TRIQK: variants seen among roughly 807,000 people sequenced by gnomAD.
TRIQK encodes triple QxxK/R motif-containing protein.
TRIQK carries 10 observed loss-of-function variants against 10.8 expected under a neutral mutation model. The observed-to-expected ratio is 0.92, with a 90% CI of 0.57 to 1.57. The LOEUF (loss-of-function observed/expected upper bound fraction) is 1.57. Ranked by LOEUF, TRIQK falls within the 40% of genes most tolerant of loss-of-function variation. The probability of loss-of-function intolerance (pLI) is 0.00; values close to 1 mark genes in which losing one functional copy is unlikely to be tolerated. For missense variants in TRIQK, 107 were observed against 97.7 expected, an observed-to-expected ratio of 1.09 and a Z score of -0.40; for synonymous variants, 33 against 33.7, an observed-to-expected ratio of 0.98 and a Z score of 0.07.
At chr8:92,942,625 T>A (rs766954915) in intron 2 of TRIQK, among the ~76,000 whole-genome samples, 2 of 152,188 alleles carry the variant, frequency 1.3e-5, no homozygotes, top group Non-Finnish European at 2.9e-5. Flanking sequence ...GATGTCATTA[T>A]CTTACATGGA....
chr8:92,991,203 A>T (rs985001201), intron 1 of TRIQK, among the ~76,000 whole-genome samples: 5 of 152,172 alleles, frequency 3.3e-5, no homozygotes, highest in African/African-American at 1.2e-4. Context: ...GCCACTCTAG[A>T]TTCCTCCTCT....
At chr8:92,947,002 T>G (rs1332102936) in intron 2 of TRIQK, among the ~76,000 whole-genome samples, 1 of 151,604 alleles carries the variant, frequency 6.6e-6, no homozygotes, top group Admixed American at 6.6e-5. Context: ...CCTGACCTCG[T>G]GATCCGCCCG....
intron 2 of TRIQK, among the ~76,000 whole-genome samples, chr8:92,945,419 G>C (rs1046427338): frequency 1.3e-5 from 2 of 152,196 alleles, no homozygotes; most frequent in African/African-American, 2.4e-5. Flanking sequence ...GCCTACTGGG[G>C]TCAGGGGATA....
chr8:92,966,980 C>CAAAAAAAAAAAAAAAAAAAA (rs10655820), upstream of TRIQK, among the ~76,000 whole-genome samples: 1 of 68,844 alleles, frequency 1.5e-5, no homozygotes, highest in African/African-American at 6.1e-5. Context: ...AAGTAGCATA[C>CAAAAAAAAAAAAAAAAAAAA]AAAAAAAAAA....
In TRIQK at chr8:92,976,638, A is replaced by G. The variant is rs115710105; in HGVS notation, c.-180-22074T>C. Among the ~76,000 whole-genome samples, 857 of 152,036 alleles carry G rather than the reference A, an allele frequency of 5.6e-3. 6 individuals are homozygous for G. Among genetic ancestry groups the G allele is most frequent in the African/African-American group, 0.02 (825 of 41,538 alleles). ...GTGTTAGACCATTTATGTTACTGTG[A>G]TTGCTGATATAATTGGGTTTAAATG... On this transcript the variant is annotated intron_variant, in intron 1 of 4. Transcript: ENST00000520686.
At chr8:92,950,406 T>A (rs1315728922) in intron 2 of TRIQK, among the ~76,000 whole-genome samples, 1 of 152,146 alleles carries the variant, frequency 6.6e-6, no homozygotes, top group African/African-American at 2.4e-5. Flanking sequence ...TAGTCCCCAT[T>A]TTTAAAGCTG....
Position 92,913,042 on chromosome 8 carries a change from A to G in TRIQK, c.61+3887T>C, listed in dbSNP as rs541504933. ...TGACCACTATTCTCTTATGAACATA[A>G]AACAAAAATCCTCAAGAAAATATTA... On this transcript the variant is annotated intron_variant, in intron 3 of 4. Coordinates refer to ENST00000521988, the MANE Select transcript of TRIQK (RefSeq NM_001171797.2). Among the ~76,000 whole-genome samples, 3 of 152,290 alleles carry G rather than the reference A, an allele frequency of 2.0e-5. No individual in the cohort carries two copies. The Middle Eastern group carries it at 0.01, about 518-fold the overall frequency.
At chr8:92,921,158 T>C (rs1338021555) in intron 2 of TRIQK, among the ~76,000 whole-genome samples, 1 of 151,704 alleles carries the variant, frequency 6.6e-6, no homozygotes, top group African/African-American at 2.4e-5. Context: ...CTTAGGGGTT[T>C]TGTGATGCTG....
intron 1 of TRIQK, among the ~76,000 whole-genome samples, chr8:92,960,042 G>C (rs1812372440): frequency 6.6e-6 from 1 of 151,956 alleles, no homozygotes; most frequent in South Asian, 2.1e-4. Flanking sequence ...TGACAATTTT[G>C]TGATTTTTGT....
chr8:92,921,782 T>C (rs1238700124), intron 2 of TRIQK: 2 of 151,916 alleles, frequency 1.3e-5, no homozygotes, highest in East Asian at 3.8e-4. Context: ...CCATATAAAC[T>C]GATGCAATTA....
At position 92,986,689 on chromosome 8, in the gene TRIQK, T is replaced by C. The variant is rs531409601; in HGVS notation, c.-181+30920A>G. The stretch of plus-strand genomic sequence containing the variant: ...TCTCCCATTTAGTTCTACTTTCTTA[T>C]TTTATACATGCAGAATAAAAGAGTA... On this transcript the variant is annotated intron_variant, in intron 1 of 4. Transcript: ENST00000520686. 5.3e-5 allele frequency among the ~76,000 whole-genome samples: 8 copies of C among 152,308 alleles called. No homozygotes were observed. In the East Asian group the frequency reaches 1.5e-3, roughly 29 times the overall value.
At chr8:92,891,122 A>G (rs1816743127) in intron 4 of TRIQK, among the ~76,000 whole-genome samples, 1 of 151,880 alleles carries the variant, frequency 6.6e-6, no homozygotes, top group Non-Finnish European at 1.5e-5. Context: ...TCGTGATCAT[A>G]ATAGCAAATT....
Position 92,916,965 on chromosome 8 carries a change from TAGTAGC to T in TRIQK, c.19_24del (p.Ala7_Thr8del), listed in dbSNP as rs1809890049. On this transcript the variant is annotated inframe_deletion, in exon 3 of 5. Coordinates refer to ENST00000521988, the MANE Select transcript of TRIQK (RefSeq NM_001171797.2). ...CTGTACTGATCAACAGGAAGTTTTA[TAGTAGC>T]AGCATCTTTTCTACCCATCTTTGAT... 2.0e-6 allele frequency: 3 copies of T among 1,506,198 alleles called. No individual in the cohort carries two copies. In the South Asian group the frequency reaches 3.8e-5, roughly 19 times the overall value. 93.3% of individuals were successfully genotyped at this position (1,506,198 alleles called of 1,614,324 possible).
intron 1 of TRIQK, among the ~76,000 whole-genome samples, chr8:92,956,526 T>C (rs1185682160): frequency 1.3e-5 from 2 of 151,848 alleles, no homozygotes; most frequent in African/African-American, 4.8e-5. Flanking sequence ...TGATAAACTT[T>C]ATGATTGTGA....
intron 2 of TRIQK, among the ~76,000 whole-genome samples, chr8:92,927,287 A>T (rs1013177589): frequency 3.9e-5 from 6 of 152,166 alleles, no homozygotes; most frequent in African/African-American, 1.4e-4. Flanking sequence ...AAACTTTAGG[A>T]TACTATAAAA....
intron 1 of TRIQK, among the ~76,000 whole-genome samples, chr8:92,997,271 C>A (rs1813161853): frequency 6.6e-6 from 1 of 151,912 alleles, no homozygotes; most frequent in East Asian, 1.9e-4. Context: ...TGCATAGGAA[C>A]AAGGAAATAA....
At chr8:92,967,462 A>G (rs1354298081), upstream of TRIQK, among the ~76,000 whole-genome samples, 2 of 152,162 alleles carry the variant, frequency 1.3e-5, no homozygotes, top group Non-Finnish European at 2.9e-5. Flanking sequence ...CTAAATGTGA[A>G]TAACTCTCTA....
chr8:93,017,367 C>A (rs1404280164), intron 1 of TRIQK, among the ~76,000 whole-genome samples: 1 of 152,064 alleles, frequency 6.6e-6, no homozygotes, highest in African/African-American at 2.4e-5. Context: ...CAGGTCTAGG[C>A]TGAGGGATGT....
intron 1 of TRIQK, among the ~76,000 whole-genome samples, chr8:93,011,028 A>G (rs1349381095): frequency 1.3e-5 from 2 of 152,062 alleles, no homozygotes; most frequent in Non-Finnish European, 2.9e-5. Flanking sequence ...CTCACAATGT[A>G]TTTTATGGCA....
Sources: gnomAD v4.1 joint callset for allele counts (sites outside exome capture counted in the v4.1 genomes callset) on GRCh38, gnomAD v4.1.1 for gene constraint, MANE v1.5 for transcripts, NCBI Gene and HGNC (gene_info 2026-07-23, HGNC 2026-07-21) for gene names.